Variants in ADAMTS6 observed in about 807,000 individuals in gnomAD.
The protein encoded by ADAMTS6 is A disintegrin and metalloproteinase with thrombospondin motifs 6.
ADAMTS6 carries 23 observed loss-of-function variants against 144.3 expected under a neutral mutation model. The observed-to-expected ratio is 0.16, with a 90% CI of 0.11 to 0.23. The LOEUF is 0.23. ADAMTS6 is among the 10% of genes least tolerant of loss of function. The pLI, the probability that ADAMTS6 is intolerant of heterozygous loss-of-function variation, is 1.00. For synonymous variants in ADAMTS6, 444 were observed against 457.5 expected, an observed-to-expected ratio of 0.97 and a Z score of 0.38; for missense variants, 999 against 1,379.6, an observed-to-expected ratio of 0.72 and a Z score of 4.37.
At chr5:65,157,299 C>A (rs1288211059) in intron 24 of ADAMTS6, among the ~76,000 whole-genome samples, 1 of 152,144 alleles carries the variant, frequency 6.6e-6, no homozygotes, top group East Asian at 1.9e-4. Context: ...AAAACTCTGA[C>A]CTAAAAGACT....
chr5:65,300,129 A>C lies in ADAMTS6; in HGVS notation c.1226T>G (p.Phe409Cys). 1 of 1,612,356 alleles carries C rather than the reference A, an allele frequency of 6.2e-7. No individual in the cohort carries two copies. ...FTIAHEIGHN[F>C]GMNHDGIGNS... ...TCCAATTCCATCATGGTTCATACCAAAACTGTTTTAATGAGGAAGAAACAT... is the reference window on the plus strand; with the variant it reads ...TCCAATTCCATCATGGTTCATACCACAACTGTTTTAATGAGGAAGAAACAT... Residue 409 changes from phenylalanine (F) to cysteine (C), a missense_variant and splice_region_variant, in exon 10 of 25, where the codon TTT (phenylalanine) becomes TGT (cysteine). Coordinates refer to ENST00000381055, the MANE Select transcript of ADAMTS6 (RefSeq NM_197941.4).
rs1381906217 is a variant in ADAMTS6, at chr5:65,148,995, A to C, written c.*2841T>G. On this transcript the variant is annotated 3_prime_UTR_variant, in exon 25 of 25. Transcript: ENST00000381055. ...GCAACAACTAATCACAATAATACAAAGGTAATTTCGTTCTGTGTTACTGAG... is the reference window on the plus strand; with the variant it reads ...GCAACAACTAATCACAATAATACAACGGTAATTTCGTTCTGTGTTACTGAG... 3 of 152,678 alleles carry C rather than the reference A, an allele frequency of 2.0e-5. No individual in the cohort carries two copies. Among genetic ancestry groups the C allele is most frequent in the Non-Finnish European group, 2.9e-5 (2 of 68,052 alleles). 9.5% of individuals were successfully genotyped at this position (152,678 alleles called of 1,614,324 possible). A position where few individuals can be genotyped will look rare whatever the true frequency, so the allele number is the denominator to read the frequency against.
At position 65,277,741 on chromosome 5, in the gene ADAMTS6, A is replaced by C. The variant is rs1762657530; in HGVS notation, c.1513-4294T>G. ...CTTTCTGGCAAAATTAAGAATTGAA[A>C]TCTCTATCCTTGTCTGCTAGTTTTT... On this transcript the variant is annotated intron_variant, in intron 11 of 24. Transcript: ENST00000381055. Among the ~76,000 whole-genome samples, 4 of 152,200 alleles carry C rather than the reference A, an allele frequency of 2.6e-5. No individual in the cohort carries two copies. In the South Asian group the frequency reaches 8.3e-4, roughly 32 times the overall value.
intron 4 of ADAMTS6, among the ~76,000 whole-genome samples, chr5:65,456,229 T>C (rs1343869396): frequency 1.3e-5 from 2 of 152,100 alleles, no homozygotes; most frequent in East Asian, 1.9e-4. Context: ...GAAAACAAGA[T>C]TGACTTGTTT....
chr5:65,397,216 C>CT (rs1175247870), intron 7 of ADAMTS6, among the ~76,000 whole-genome samples: 3 of 151,970 alleles, frequency 2.0e-5, no homozygotes, highest in Non-Finnish European at 2.9e-5. Flanking sequence ...TAATCTGCGT[C>CT]TTTTTTTTCT....
At chr5:65,297,625 T>C (rs1448114944) in intron 10 of ADAMTS6, among the ~76,000 whole-genome samples, 1 of 152,162 alleles carries the variant, frequency 6.6e-6, no homozygotes, top group Non-Finnish European at 1.5e-5. Flanking sequence ...TTAAAAAATA[T>C]CACGCATAGC....
chr5:65,332,779 G>T (rs956044457), intron 8 of ADAMTS6, among the ~76,000 whole-genome samples: 2 of 152,104 alleles, frequency 1.3e-5, no homozygotes, highest in African/African-American at 4.8e-5. Context: ...GTTGGATTAT[G>T]TTGGTCTTGT....
intron 7 of ADAMTS6, among the ~76,000 whole-genome samples, chr5:65,348,220 TG>T (rs1748527154): frequency 6.6e-6 from 1 of 152,082 alleles, no homozygotes; most frequent in African/African-American, 2.4e-5. Flanking sequence ...ATGTTCATTG[TG>T]GGGTAATTCA....
At chr5:65,387,736 T>G (rs1455362318) in intron 7 of ADAMTS6, among the ~76,000 whole-genome samples, 1 of 152,290 alleles carries the variant, frequency 6.6e-6, no homozygotes, top group East Asian at 1.9e-4. Context: ...GAGTGAGGTT[T>G]GTTGGTTAAT....
chr5:65,304,871 A>G (rs1743777406), intron 9 of ADAMTS6, among the ~76,000 whole-genome samples: 1 of 152,202 alleles, frequency 6.6e-6, no homozygotes, highest in Non-Finnish European at 1.5e-5. Flanking sequence ...CAGATTAAAT[A>G]CTCAAAAGAT....
At chr5:65,476,735 A>C (rs1047352603) in intron 1 of ADAMTS6, among the ~76,000 whole-genome samples, 4 of 152,010 alleles carry the variant, frequency 2.6e-5, no homozygotes, top group Admixed American at 6.5e-5. Flanking sequence ...CAGCCTCCTG[A>C]GTAGCTGGGA....
At chr5:65,459,041 CT>C (rs1440125529) in intron 4 of ADAMTS6, among the ~76,000 whole-genome samples, 1 of 148,798 alleles carries the variant, frequency 6.7e-6, no homozygotes, top group Non-Finnish European at 1.5e-5. Context: ...TTTTTTCTTT[CT>C]TTTTTTTCCT....
intron 7 of ADAMTS6, among the ~76,000 whole-genome samples, chr5:65,424,141 A>G (rs1202702565): frequency 6.6e-6 from 1 of 152,168 alleles, no homozygotes; most frequent in Non-Finnish European, 1.5e-5. Context: ...TCCTTGAAGC[A>G]TAGCTTACTT....
intron 3 of ADAMTS6, among the ~76,000 whole-genome samples, 197 bp downstream of exon 3, chr5:65,470,581 C>T (rs142888263): frequency 4.2e-4 from 64 of 151,830 alleles, no homozygotes; most frequent in Non-Finnish European, 7.8e-4. Context: ...TAAAAGCTGC[C>T]CTTTGAAAAG....
chr5:65,303,982 T>A (rs1354721207), intron 9 of ADAMTS6, among the ~76,000 whole-genome samples: 1 of 152,192 alleles, frequency 6.6e-6, no homozygotes, highest in Non-Finnish European at 1.5e-5. Context: ...ACATGATTTT[T>A]AAAAAATCAG....
At chr5:65,177,136 T>G (rs1269660511) in intron 22 of ADAMTS6, among the ~76,000 whole-genome samples, 1 of 152,140 alleles carries the variant, frequency 6.6e-6, no homozygotes, top group Non-Finnish European at 1.5e-5. Context: ...CTTGTGCTGT[T>G]AACCACTGAG....
intron 12 of ADAMTS6, among the ~76,000 whole-genome samples, chr5:65,265,388 C>G (rs1247756887): frequency 6.6e-6 from 1 of 151,988 alleles, no homozygotes; most frequent in Non-Finnish European, 1.5e-5. Context: ...TCTTGAAGAA[C>G]AATTTTTATA....
chr5:65,217,905 A>G (rs1341860629), intron 18 of ADAMTS6, among the ~76,000 whole-genome samples: 1 of 152,196 alleles, frequency 6.6e-6, no homozygotes, highest in Non-Finnish European at 1.5e-5. Context: ...AAACTCATAA[A>G]ATATATGAAT....
intron 7 of ADAMTS6, among the ~76,000 whole-genome samples, chr5:65,414,233 T>C (rs1165863858): frequency 6.6e-6 from 1 of 152,122 alleles, no homozygotes. Flanking sequence ...TCAAACCTAG[T>C]ATAAAAACAC....
Sources: gnomAD v4.1 joint callset for allele counts (sites outside exome capture counted in the v4.1 genomes callset) on GRCh38, gnomAD v4.1.1 for gene constraint, MANE v1.5 for transcripts, NCBI Gene and HGNC (gene_info 2026-07-23, HGNC 2026-07-21) for gene names.